OTUD5: variants seen among roughly 807,000 people sequenced by gnomAD.
OTUD5 encodes OTU domain-containing protein 5.
In OTUD5, 2 loss-of-function variants were observed where a neutral mutation model predicts 36.3. The ratio of observed to expected loss-of-function variants is 0.06; its 90% CI spans 0.02 to 0.17. The LOEUF is 0.17. Ranked by LOEUF, OTUD5 falls within the 10% of genes least tolerant of loss-of-function variation. The pLI is 1.00. For missense variants in OTUD5, 233 were observed against 512.3 expected, an observed-to-expected ratio of 0.45 and a Z score of 5.26; for synonymous variants, 234 against 214.9, an observed-to-expected ratio of 1.09 and a Z score of -0.78.
In OTUD5 at chrX:48,922,259, T is replaced by C. The variant is rs968663612; in HGVS notation, c.*915A>G. The C allele has an allele frequency of 1.8e-5, 2 of 111,681 alleles. No individual in the cohort carries two copies. The highest frequency in any genetic ancestry group is 9.6e-5 in the Admixed American group (1 of 10,456). 9.2% of individuals were successfully genotyped at this position (111,681 alleles called of 1,213,427 possible). ...TGCCAAGGACATTACAGATGGCGGATCTTGTCAACACCTGCAGGGCACGGG... is the reference window on the plus strand; with the variant it reads ...TGCCAAGGACATTACAGATGGCGGACCTTGTCAACACCTGCAGGGCACGGG... On this transcript the variant is annotated 3_prime_UTR_variant, in exon 9 of 9. Coordinates refer to ENST00000376488, the MANE Select transcript of OTUD5 (RefSeq NM_001136157.2).
chrX:48,942,244 T>TACATACACACACACACACACAC (rs2063939226), intron 2 of OTUD5, among the ~76,000 whole-genome samples: 1 of 57,105 alleles, frequency 1.8e-5, no homozygotes, highest in African/African-American at 7.5e-5. Context: ...CACACACACA[T>TACATACACACACACACACACAC]ACACACACAC....
intron 1 of OTUD5, among the ~76,000 whole-genome samples, chrX:48,946,434 G>A (rs1286696637): frequency 9.0e-6 from 1 of 111,726 alleles, no homozygotes; most frequent in African/African-American, 3.3e-5. Flanking sequence ...AAAGTCCCAG[G>A]TGAGTAGCGG....
rs1557051857 is a variant in OTUD5 at position 48,944,289 on chromosome X, G to A, written c.595-6C>T. The A allele has an allele frequency of 8.7e-7, 1 of 1,147,115 alleles. No homozygotes were observed. The highest frequency in any genetic ancestry group is 1.2e-6 in the Non-Finnish European group (1 of 838,915). 94.5% of individuals were successfully genotyped at this position (1,147,115 alleles called of 1,213,427 possible). A position where few individuals can be genotyped will look rare whatever the true frequency, so the allele number is the denominator to read the frequency against. On this transcript the variant is annotated splice_polypyrimidine_tract_variant and splice_region_variant and intron_variant, in intron 1 of 8. Coordinates refer to ENST00000376488, the MANE Select transcript of OTUD5 (RefSeq NM_001136157.2). ...TTTTCAAACCAATGCTCCTGCTGGA[G>A]GGAAGAGGTGGGGGTCAGCAACAGG...
chrX:48,946,451 A>G (rs2064031841), intron 1 of OTUD5, among the ~76,000 whole-genome samples: 1 of 111,649 alleles, frequency 9.0e-6, no homozygotes, highest in Admixed American at 9.5e-5. Context: ...GCGGGACAGG[A>G]GGGGAGGAAG....
intron 1 of OTUD5, among the ~76,000 whole-genome samples, chrX:48,949,851 TGAAAA>T (rs1467033675): frequency 9.2e-6 from 1 of 109,033 alleles, no homozygotes; most frequent in African/African-American, 3.4e-5. Context: ...CAGCACTGTC[TGAAAA>T]GAAAAGAAAA....
chrX:48,957,707 G>A, upstream of OTUD5: 1 of 796,573 alleles, frequency 1.3e-6, no homozygotes, highest in Non-Finnish European at 1.5e-6. Flanking sequence ...GCACCGGTTC[G>A]AGAACCCTCG....
chrX:48,923,029 G>C lies in OTUD5; in HGVS notation c.*145C>G. On this transcript the variant is annotated 3_prime_UTR_variant, in exon 9 of 9. Coordinates refer to ENST00000376488, the MANE Select transcript of OTUD5 (RefSeq NM_001136157.2). The stretch of plus-strand genomic sequence containing the variant: ...TGAGAGAGAGTGCAGGGGTGGGCTA[G>C]CCAGAGGGAAGTGAGGAGGAGGGAA... 8.8e-7 allele frequency: 1 copy of C among 1,141,611 alleles called. No homozygotes were observed. The highest frequency in any genetic ancestry group is 2.5e-5 in the Admixed American group (1 of 39,650). 94.1% of individuals were successfully genotyped at this position (1,141,611 alleles called of 1,213,427 possible). A position where few individuals can be genotyped will look rare whatever the true frequency, so the allele number is the denominator to read the frequency against.
At chrX:48,950,569 G>T (rs1417377093) in intron 1 of OTUD5, among the ~76,000 whole-genome samples, 1 of 86,953 alleles carries the variant, frequency 1.2e-5, no homozygotes, top group Non-Finnish European at 2.2e-5. Flanking sequence ...TTGAGATGGA[G>T]TCTCGCTCTG....
chrX:48,922,936 G>A lies in OTUD5; in HGVS notation c.*238C>T. 8.7e-6 allele frequency: 9 copies of A among 1,037,949 alleles called. No individual in the cohort carries two copies. The highest frequency in any genetic ancestry group is 2.5e-5 in the South Asian group (1 of 40,732). The allele number at this position is 1,037,949 out of a possible 1,213,427, so 85.5% of individuals were successfully genotyped here. A position where few individuals can be genotyped will look rare whatever the true frequency, so the allele number is the denominator to read the frequency against. On this transcript the variant is annotated 3_prime_UTR_variant, in exon 9 of 9. Transcript: ENST00000376488. ...CTGTGGAATGCAGGGATGGTTCTGT[G>A]CGGGATGGGGTGGGGGGCAACAGGG...
chrX:48,926,793 G>T (rs1339980013), intron 5 of OTUD5, among the ~76,000 whole-genome samples: 1 of 111,392 alleles, frequency 9.0e-6, no homozygotes, highest in African/African-American at 3.3e-5. Flanking sequence ...GCATGTGAGG[G>T]GTTGGGGGAA....
intron 1 of OTUD5, among the ~76,000 whole-genome samples, chrX:48,951,795 T>G (rs1392915463): frequency 8.9e-6 from 1 of 112,203 alleles, no homozygotes; most frequent in Non-Finnish European, 1.9e-5. Flanking sequence ...GACTCACACC[T>G]GTAATCCCAG....
chrX:48,924,980 T>C (rs1307099857), intron 6 of OTUD5, among the ~76,000 whole-genome samples: 1 of 111,652 alleles, frequency 9.0e-6, no homozygotes, highest in Admixed American at 9.5e-5. Flanking sequence ...ATTTGTGGAA[T>C]AAAACTCAGC....
intron 8 of OTUD5, 41 bp downstream of exon 8, chrX:48,923,592 G>C (rs1230648228): frequency 2.0e-6 from 2 of 991,639 alleles, no homozygotes; most frequent in African/African-American, 3.8e-5. Flanking sequence ...GTCTCTCCCA[G>C]CTCCTAGCAG....
chrX:48,932,084 G>T (rs996672631), intron 5 of OTUD5, among the ~76,000 whole-genome samples: 10 of 105,437 alleles, frequency 9.5e-5, no homozygotes, highest in Non-Finnish European at 1.9e-5. Context: ...GGGAGGCAGA[G>T]GTTGCAGTGA....
intron 5 of OTUD5, among the ~76,000 whole-genome samples, chrX:48,932,197 A>AAT (rs1244284312): frequency 9.2e-6 from 1 of 108,128 alleles, no homozygotes; most frequent in Non-Finnish European, 1.9e-5. Flanking sequence ...TAATAATAAT[A>AAT]ATAATAGCAG....
rs782544769 is a variant in OTUD5, at chrX:48,923,308, AG to A, written c.1580-14del. Reference sequence around the variant, plus strand: ...CAGTCATTCAGACCTGCTGGGCGAGAGGAAGAGGAAAAGGATGATGGAGCGC... The same window carrying A: ...CAGTCATTCAGACCTGCTGGGCGAGAGAAGAGGAAAAGGATGATGGAGCGC... On this transcript the variant is annotated splice_polypyrimidine_tract_variant and intron_variant, in intron 8 of 8. Coordinates refer to ENST00000376488, the MANE Select transcript of OTUD5 (RefSeq NM_001136157.2). The A allele has an allele frequency of 1.7e-6, 2 of 1,185,740 alleles. No homozygotes were observed. Among genetic ancestry groups the A allele is most frequent in the South Asian group, 3.6e-5 (2 of 56,142 alleles).
At chrX:48,933,751 C>G (rs782775251) in intron 5 of OTUD5, among the ~76,000 whole-genome samples, 10 of 111,687 alleles carry the variant, frequency 9.0e-5, no homozygotes, top group Non-Finnish European at 1.9e-4. Flanking sequence ...TAAACCTGCT[C>G]TAAAATTAAG....
At chrX:48,939,395 T>G (rs2063881054) in intron 2 of OTUD5, among the ~76,000 whole-genome samples, 1 of 111,394 alleles carries the variant, frequency 9.0e-6, no homozygotes, top group Non-Finnish European at 1.9e-5. Flanking sequence ...GAGGCCAATA[T>G]GAACCTTACC....
intron 5 of OTUD5, among the ~76,000 whole-genome samples, chrX:48,927,047 T>C (rs2063677863): frequency 8.9e-6 from 1 of 112,355 alleles, no homozygotes; most frequent in African/African-American, 3.2e-5. Context: ...AGTAATCATG[T>C]AAAATGTATT....
Sources: gnomAD v4.1 joint callset for allele counts (sites outside exome capture counted in the v4.1 genomes callset) on GRCh38, gnomAD v4.1.1 for gene constraint, MANE v1.5 for transcripts, NCBI Gene and HGNC (gene_info 2026-07-23, HGNC 2026-07-21) for gene names.